TUBA1B: variants seen among roughly 807,000 people sequenced by gnomAD.
TUBA1B encodes tubulin alpha 1b.
Under a neutral mutation model 34.4 loss-of-function variants are expected in TUBA1B, and 1 was observed. The ratio of observed to expected loss-of-function variants is 0.03; its 90% CI spans 0.01 to 0.14. TUBA1B has a LOEUF of 0.14. TUBA1B is among the 10% of genes least tolerant of loss of function. The pLI is 1.00. For missense variants in TUBA1B, 54 were observed against 583.6 expected (o/e 0.09, Z 9.35); for synonymous variants, 197 against 212.5 (o/e 0.93, Z 0.64).
chr12:49,130,690 CAG>C, intron 1 of TUBA1B: 1 of 224,664 alleles, frequency 4.5e-6, no homozygotes, highest in Admixed American at 5.0e-5. Context: ...GGTACATTGA[CAG>C]GGAGCTCTTC....
Position 49,129,000 on chromosome 12 carries a change from T to A in TUBA1B, c.376-62A>T. 2.6e-6 allele frequency: 4 copies of A among 1,541,294 alleles called. No individual in the cohort carries two copies. Among genetic ancestry groups the A allele is most frequent in the Non-Finnish European group, 3.5e-6 (4 of 1,149,620 alleles). On this transcript the variant is annotated intron_variant, in intron 3 of 3. Transcript: ENST00000336023. The surrounding 1 kb of genome is among the most constrained non-coding windows in gnomAD (Gnocchi z 8.1). ...AGGACACATTATCTTAGAATTTCTA[T>A]TTCAACTTTTTAGATTACGAACCAT... is the stretch of plus-strand genomic sequence containing the variant.
At chr12:49,129,791 C>T in intron 1 of TUBA1B, 69 bp from the exon 2 acceptor site, 1 of 1,603,502 alleles carries the variant, frequency 6.2e-7, no homozygotes, top group Non-Finnish European at 8.5e-7. Context: ...GAACAAAATA[C>T]TCATGCAATC....
chr12:49,130,233 G>A (rs996498532), intron 1 of TUBA1B: 8 of 1,286,456 alleles, frequency 6.2e-6, no homozygotes, highest in African/African-American at 6.1e-5. Context: ...TCAGGCCCCA[G>A]AAGCCCACTT....
rs1224745314 is a variant in TUBA1B at position 49,128,298 on chromosome 12, C to T, written c.1016G>A (p.Arg339His). 1 of 1,614,178 alleles carries T rather than the reference C, an allele frequency of 6.2e-7. No individual in the cohort carries two copies. The highest frequency in any genetic ancestry group is 8.5e-7 in the Non-Finnish European group (1 of 1,180,038). The change falls in exon 4 of 4, where the codon CGC (arginine) becomes CAC (histidine). Residue 339 changes from arginine (R) to histidine (H), a missense_variant. This residue lies in a region of TUBA1B where 20 missense variants were observed against 362.8 expected (regional missense o/e 0.06). Transcript: ENST00000336023. This position sits in a 1 kb window ranked among gnomAD's most constrained non-coding sequence, Gnocchi z 8.1. The stretch of plus-strand genomic sequence containing the variant: ...GCACCAATCCACAAACTGGATGCTG[C>T]GCTTGGTTTTGATGGTGGCAATGGC... ...NAAIATIKTK[R>H]SIQFVDWCPT...
At chr12:49,130,442 C>T (rs898056213) in intron 1 of TUBA1B, 3 of 1,004,930 alleles carry the variant, frequency 3.0e-6, no homozygotes, top group South Asian at 2.7e-5. Flanking sequence ...AAAGGCGCTG[C>T]CCAAGCCGCC....
chr12:49,128,690 G>T lies in TUBA1B; in HGVS notation c.624C>A (p.Ala208=). Residue 208 remains alanine (A), a synonymous_variant, in exon 4 of 4, where the codon GCC becomes GCA. Coordinates refer to ENST00000336023, the MANE Select transcript of TUBA1B (RefSeq NM_006082.3). The surrounding 1 kb of genome is among the most constrained non-coding windows in gnomAD (Gnocchi z 8.1). ...GGTTTCTACGACAGATGTCATAGAT[G>T]GCCTCATTGTCTACCATGAAGGCAC... ...SDCAFMVDNE[A]IYDICRRNLD... 2 of 1,608,758 alleles carry T rather than the reference G, an allele frequency of 1.2e-6. No homozygotes were observed. The highest frequency in any genetic ancestry group is 1.7e-6 in the Non-Finnish European group (2 of 1,177,306).
rs1168943104 is a variant in TUBA1B, at chr12:49,127,815, T to C, written c.*143A>G. The C allele has an allele frequency of 1.5e-6, 2 of 1,317,944 alleles. No homozygotes were observed. Among genetic ancestry groups the C allele is most frequent in the Admixed American group, 4.8e-5 (2 of 41,682 alleles). 81.6% of individuals were successfully genotyped at this position (1,317,944 alleles called of 1,614,324 possible). On this transcript the variant is annotated 3_prime_UTR_variant, in exon 4 of 4. Coordinates refer to ENST00000336023, the MANE Select transcript of TUBA1B (RefSeq NM_006082.3). ...TTAATGACTTTACTTTGAGATATGATGGAAAAATATTACAGGTACACATGG... is the reference window on the plus strand; with the variant it reads ...TTAATGACTTTACTTTGAGATATGACGGAAAAATATTACAGGTACACATGG...
At position 49,128,497 on chromosome 12, in the gene TUBA1B, C is replaced by A; in HGVS notation, c.817G>T (p.Ala273Ser). Reference sequence around the variant, plus strand: ...GCTTTCTCAGCAGAGATGACAGGGGCATATGTGGCCAGAGGGAAGTGGATG... The same window carrying A: ...GCTTTCTCAGCAGAGATGACAGGGGAATATGTGGCCAGAGGGAAGTGGATG... ...PRIHFPLATY[A>S]PVISAEKAYH... Residue 273 changes from alanine (A) to serine (S), a missense_variant, in exon 4 of 4, where the codon GCC becomes TCC. Ala to Ser is a moderately conservative substitution (Grantham distance 99). This residue lies in a region of TUBA1B where 20 missense variants were observed against 362.8 expected (regional missense o/e 0.06). Coordinates refer to ENST00000336023, the MANE Select transcript of TUBA1B (RefSeq NM_006082.3). The surrounding 1 kb of genome is among the most constrained non-coding windows in gnomAD (Gnocchi z 8.1). 1 of 1,613,802 alleles carries A rather than the reference C, an allele frequency of 6.2e-7. No homozygotes were observed. The highest frequency in any genetic ancestry group is 1.7e-4 in the Middle Eastern group (1 of 5,972).
rs761393429 is a variant in TUBA1B, at chr12:49,131,344, G to T, written c.-44C>A. The T allele has an allele frequency of 3.1e-6, 5 of 1,608,186 alleles. No homozygotes were observed. Among genetic ancestry groups the T allele is most frequent in the Non-Finnish European group, 4.2e-6 (5 of 1,177,424 alleles). ...GGCGAAGGCGACAGGAGCAGACACC[G>T]GGTCCCGGTTACCGTCCCCGACAAG... On this transcript the variant is annotated 5_prime_UTR_variant, in exon 1 of 4. Coordinates refer to ENST00000336023, the MANE Select transcript of TUBA1B (RefSeq NM_006082.3).
chr12:49,129,000 T>C lies in TUBA1B; in HGVS notation c.376-62A>G. 3 of 1,541,294 alleles carry C rather than the reference T, an allele frequency of 1.9e-6. No individual in the cohort carries two copies. The South Asian group carries it at 3.9e-5, about 20-fold the overall frequency. On this transcript the variant is annotated intron_variant, in intron 3 of 3. Coordinates refer to ENST00000336023, the MANE Select transcript of TUBA1B (RefSeq NM_006082.3). This position sits in a 1 kb window ranked among gnomAD's most constrained non-coding sequence, Gnocchi z 8.1. ...AGGACACATTATCTTAGAATTTCTATTTCAACTTTTTAGATTACGAACCAT... is the reference window on the plus strand; with the variant it reads ...AGGACACATTATCTTAGAATTTCTACTTCAACTTTTTAGATTACGAACCAT...
intron 1 of TUBA1B, chr12:49,130,188 G>A: frequency 8.0e-7 from 1 of 1,254,142 alleles, no homozygotes; most frequent in African/African-American, 1.5e-5. Flanking sequence ...CTCCTTTGGA[G>A]GACCAAGACA....
At position 49,128,348 on chromosome 12, in the gene TUBA1B, G is replaced by A. The variant is rs775816325; in HGVS notation, c.966C>T (p.Asp322=). The A allele has an allele frequency of 5.0e-6, 8 of 1,614,020 alleles. No homozygotes were observed. The highest frequency in any genetic ancestry group is 2.2e-5 in the South Asian group (2 of 91,082). The change falls in exon 4 of 4, where the codon GAC becomes GAT. Residue 322 remains aspartate, a synonymous_variant. Transcript: ENST00000336023. This position sits in a 1 kb window ranked among gnomAD's most constrained non-coding sequence, Gnocchi z 8.1. ...YMACCLLYRG[D]VVPKDVNAAI... ...CAGCATTGACATCTTTGGGAACCAC[G>A]TCACCACGGTACAACAGGCAGCAAG...
intron 1 of TUBA1B, chr12:49,130,575 C>T: frequency 2.8e-6 from 1 of 350,914 alleles, no homozygotes; most frequent in African/African-American, 2.1e-5. Flanking sequence ...CTCAAAATCC[C>T]TTACTGCCAC....
In TUBA1B at chr12:49,128,795, T is replaced by C. The variant is rs1057725; in HGVS notation, c.519A>G (p.Pro173=). 0.37 allele frequency: 549,447 copies of C among 1,487,486 alleles called. 123,890 individuals are homozygous for C. The highest frequency in any genetic ancestry group is 0.72 in the East Asian group (30,993 of 43,052). The allele number at this position is 1,487,486 out of a possible 1,614,324, so 92.1% of individuals were successfully genotyped here. A position where few individuals can be genotyped will look rare whatever the true frequency, so the allele number is the denominator to read the frequency against. The change falls in exon 4 of 4, where the codon CCA becomes CCG. Residue 173 remains proline (P), a synonymous_variant. Coordinates refer to ENST00000336023, the MANE Select transcript of TUBA1B (RefSeq NM_006082.3). The surrounding 1 kb of genome is among the most constrained non-coding windows in gnomAD (Gnocchi z 8.1). ...CTACAGCTGTGGAAACCTGGGGTGC[T>C]GGGTAAATGGAGAACTCCAGCTTGG... is the stretch of plus-strand genomic sequence containing the variant. ...KKSKLEFSIY[P]APQVSTAVVE...
chr12:49,129,525 A>C lies in TUBA1B; in HGVS notation c.201T>G (p.Phe67Leu), dbSNP rs373081378. ...GAGKHVPRAVFVDLEPTVIDE... is the reference protein window; with the variant it reads ...GAGKHVPRAVLVDLEPTVIDE... ...CAATGACTGTGGGTTCCAAGTCTAC[A>C]AACACAGCCCGGGGCACGTGCTTGC... Residue 67 changes from phenylalanine (F) to leucine (L), a missense_variant, in exon 2 of 4, where the codon TTT becomes TTG. Physicochemically the swap from Phe to Leu is conservative, Grantham distance 22. Around this residue, in one of 3 missense-constraint regions of TUBA1B, gnomAD observed 28 missense variants for 203.8 expected, o/e 0.14. Coordinates refer to ENST00000336023, the MANE Select transcript of TUBA1B (RefSeq NM_006082.3). 6.2e-7 allele frequency: 1 copy of C among 1,614,094 alleles called. No homozygotes were observed. The highest frequency in any genetic ancestry group is 8.5e-7 in the Non-Finnish European group (1 of 1,180,044).
At chr12:49,130,433 A>T in intron 1 of TUBA1B, 1 of 1,144,044 alleles carries the variant, frequency 8.7e-7, no homozygotes, top group Non-Finnish European at 1.2e-6. Flanking sequence ...CACGTCTGCA[A>T]AGGCGCTGCC....
At position 49,129,405 on chromosome 12, in the gene TUBA1B, G is replaced by A; in HGVS notation, c.227-15C>T. ...GCGAACTTCATCTGGAGGAGGGAGA[G>A]AAGGACGGAGGGAGTGAGTGAGTGA... On this transcript the variant is annotated splice_polypyrimidine_tract_variant and intron_variant, in intron 2 of 3. Transcript: ENST00000336023. 6.2e-7 allele frequency: 1 copy of A among 1,614,202 alleles called. No homozygotes were observed. The highest frequency in any genetic ancestry group is 8.5e-7 in the Non-Finnish European group (1 of 1,180,024).
chr12:49,131,067 C>T, intron 1 of TUBA1B: 1 of 518,896 alleles, frequency 1.9e-6, no homozygotes, highest in Non-Finnish European at 3.5e-6. Flanking sequence ...CCCCCCATCC[C>T]TTCCAGAGTC....
At chr12:49,130,053 T>C in intron 1 of TUBA1B, 1 of 1,184,610 alleles carries the variant, frequency 8.4e-7, no homozygotes, top group African/African-American at 1.6e-5. Flanking sequence ...TAAAGATCCT[T>C]TTCTAAGATG....
Sources: gnomAD v4.1 joint callset for allele counts on GRCh38, gnomAD v4.1.1 for gene constraint, gnomAD v4.1.1 regional missense constraint, Gnocchi (gnomAD v3.1) non-coding constraint, MANE v1.5 for transcripts, NCBI Gene and HGNC (gene_info 2026-07-23, HGNC 2026-07-21) for gene names.